VAT1L: variants seen among roughly 807,000 people sequenced by gnomAD.
VAT1L encodes the protein vesicle amine transport 1 like.
VAT1L carries 34 observed loss-of-function variants against 44.1 expected under a neutral mutation model. The ratio of observed to expected loss-of-function variants is 0.77; its 90% CI spans 0.59 to 1.03. The LOEUF (loss-of-function observed/expected upper bound fraction) is 1.03, where lower values mean the gene tolerates loss of function less well. Among genes scored for constraint, VAT1L ranks in the 50% least tolerant of loss-of-function variants. The pLI is 0.00. For synonymous variants in VAT1L, 253 were observed against 202.2 expected (o/e 1.25, Z -2.13); for missense variants, 615 against 538.8 (o/e 1.14, Z -1.40).
chr16:77,842,002 C>G (rs2016711647), intron 3 of VAT1L, among the ~76,000 whole-genome samples: 1 of 152,188 alleles, frequency 6.6e-6, no homozygotes, highest in Non-Finnish European at 1.5e-5. Context: ...ATTCTCCTGC[C>G]TCAGCCTCCC....
At chr16:77,848,678 G>A (rs576670073) in intron 3 of VAT1L, among the ~76,000 whole-genome samples, 5 of 152,186 alleles carry the variant, frequency 3.3e-5, no homozygotes, top group East Asian at 1.9e-4. Flanking sequence ...TCCAGTAAAC[G>A]TGATCAGGGG....
chr16:77,963,294 G>A (rs745891355), intron 7 of VAT1L, among the ~76,000 whole-genome samples: 1 of 152,136 alleles, frequency 6.6e-6, no homozygotes, highest in Non-Finnish European at 1.5e-5. Flanking sequence ...TTTTCAAAGA[G>A]GGAGGCAGGA....
At chr16:77,821,410 C>T (rs2016451756) in intron 2 of VAT1L, among the ~76,000 whole-genome samples, 2 of 151,664 alleles carry the variant, frequency 1.3e-5, no homozygotes, top group Admixed American at 6.6e-5. Context: ...AAGCGATTCT[C>T]CTGCCTCAGC....
At chr16:77,828,196 G>C (rs899221172) in intron 3 of VAT1L, among the ~76,000 whole-genome samples, 1 of 152,198 alleles carries the variant, frequency 6.6e-6, no homozygotes, top group Admixed American at 6.5e-5. Flanking sequence ...GTCCTGCAGA[G>C]AGCCCACACC....
At chr16:77,861,824 G>A (rs1444875427) in intron 3 of VAT1L, among the ~76,000 whole-genome samples, 2 of 152,186 alleles carry the variant, frequency 1.3e-5, no homozygotes, top group Non-Finnish European at 2.9e-5. Context: ...TCATGGTTGG[G>A]ATAACTCAGA....
chr16:77,957,620 G>A (rs1354581352), intron 7 of VAT1L, among the ~76,000 whole-genome samples: 2 of 151,952 alleles, frequency 1.3e-5, no homozygotes, highest in Non-Finnish European at 2.9e-5. Context: ...AGCTACTCGG[G>A]AGGCTGAGGC....
At chr16:77,941,389 G>A (rs17718665) in intron 7 of VAT1L, among the ~76,000 whole-genome samples, 26,506 of 152,118 alleles carry the variant, frequency 0.17, 2,539 homozygotes, top group East Asian at 0.32. Flanking sequence ...ATTTGTATCA[G>A]CAGTTGCTCA....
intron 7 of VAT1L, among the ~76,000 whole-genome samples, chr16:77,896,429 C>G (rs779626346): frequency 6.6e-6 from 1 of 152,214 alleles, no homozygotes; most frequent in East Asian, 1.9e-4. Context: ...ATAACGCTAC[C>G]TTCCTTCGGT....
intron 7 of VAT1L, among the ~76,000 whole-genome samples, chr16:77,888,476 A>G (rs1015608562): frequency 2.6e-5 from 4 of 152,232 alleles, no homozygotes; most frequent in African/African-American, 7.2e-5. Context: ...TGATTGAGTG[A>G]ATTAATGAAT....
intron 1 of VAT1L, among the ~76,000 whole-genome samples, chr16:77,794,491 A>G (rs1485214639): frequency 1.3e-5 from 2 of 152,174 alleles, no homozygotes; most frequent in African/African-American, 4.8e-5. Context: ...CCTCTGCCTC[A>G]TTTACCTTGA....
At chr16:77,911,473 A>G (rs901445928) in intron 7 of VAT1L, among the ~76,000 whole-genome samples, 5 of 152,294 alleles carry the variant, frequency 3.3e-5, no homozygotes, top group African/African-American at 9.6e-5. Context: ...AGGACCCTAT[A>G]TGGACCCTCC....
intron 7 of VAT1L, among the ~76,000 whole-genome samples, chr16:77,933,310 G>C (rs1319185904): frequency 1.3e-5 from 2 of 152,178 alleles, no homozygotes; most frequent in Non-Finnish European, 2.9e-5. Context: ...GACAAAGCCA[G>C]ACTCAAACCC....
Position 77,884,659 on chromosome 16 carries a change from G to T in VAT1L, c.934G>T (p.Val312Phe). 6.2e-7 allele frequency: 1 copy of T among 1,613,576 alleles called. No homozygotes were observed. The highest frequency in any genetic ancestry group is 1.1e-5 in the South Asian group (1 of 90,896). The change falls in exon 7 of 9, where the codon GTC becomes TTC. Residue 312 changes from valine (V) to phenylalanine (F), a missense_variant. Val to Phe is a conservative substitution (Grantham distance 50). Coordinates refer to ENST00000302536, the MANE Select transcript of VAT1L (RefSeq NM_020927.3). This position sits in a 1 kb window ranked among gnomAD's most constrained non-coding sequence, Gnocchi z 4.5. ...NPIKLYEENK[V>F]IAGFSLLNLL... The stretch of plus-strand genomic sequence containing the variant: ...CATCAAGCTGTATGAGGAGAACAAA[G>T]TCATCGCGGGGTTTTCCCTTTTAAA...
chr16:77,946,166 T>G (rs2017960128), intron 7 of VAT1L, among the ~76,000 whole-genome samples: 1 of 151,932 alleles, frequency 6.6e-6, no homozygotes, highest in African/African-American at 2.4e-5. Flanking sequence ...TTTTTTTCCC[T>G]CTTGTACACT....
chr16:77,884,045 C>G lies in VAT1L; in HGVS notation c.883-563C>G, dbSNP rs148116174. ...GATCCTGACCATGTACTTAATATTT[C>G]AACTACATGTGGCCATGTAGTTAGT... is the stretch of plus-strand genomic sequence containing the variant. On this transcript the variant is annotated intron_variant, in intron 6 of 8. Transcript: ENST00000302536. This position sits in a 1 kb window ranked among gnomAD's most constrained non-coding sequence, Gnocchi z 4.5. Among the ~76,000 whole-genome samples the G allele has an allele frequency of 4.2e-3, 638 of 152,298 alleles. 4 individuals are homozygous for G. Among genetic ancestry groups the G allele is most frequent in the Middle Eastern group, 0.024 (7 of 294 alleles).
intron 2 of VAT1L, 45 bp from the exon 3 acceptor site, chr16:77,825,201 T>C (rs2016504299): frequency 6.2e-7 from 1 of 1,605,278 alleles, no homozygotes; most frequent in South Asian, 1.1e-5. Flanking sequence ...CTTGAGCCTC[T>C]GTCATGAGGT....
At chr16:77,873,620 A>G (rs1338758756) in intron 4 of VAT1L, among the ~76,000 whole-genome samples, 1 of 152,236 alleles carries the variant, frequency 6.6e-6, no homozygotes, top group East Asian at 1.9e-4. Flanking sequence ...TTGGTGGAAG[A>G]GAAAGTCAAT....
intron 7 of VAT1L, among the ~76,000 whole-genome samples, chr16:77,947,024 AG>A (rs1461654098): frequency 6.6e-6 from 1 of 152,222 alleles, no homozygotes; most frequent in African/African-American, 2.4e-5. Flanking sequence ...CACAGCCTCA[AG>A]GCTGATAGAT....
intron 7 of VAT1L, among the ~76,000 whole-genome samples, chr16:77,932,110 T>TA (rs1299520202): frequency 6.7e-6 from 1 of 149,890 alleles, no homozygotes; most frequent in East Asian, 1.9e-4. Flanking sequence ...TAATTTTTTT[T>TA]TTTTTTTTTT....
Sources: allele counts gnomAD v4.1 joint callset (sites outside exome capture counted in the v4.1 genomes callset), GRCh38; gene constraint gnomAD v4.1.1; non-coding constraint Gnocchi (gnomAD v3.1); transcripts MANE v1.5; gene names NCBI Gene and HGNC (gene_info 2026-07-23, HGNC 2026-07-21).